SND1: variants seen among roughly 807,000 people sequenced by gnomAD.
SND1 encodes the protein staphylococcal nuclease domain-containing protein 1.
A neutral mutation model predicts 121.7 loss-of-function variants in SND1; 38 were observed. The ratio of observed to expected loss-of-function variants is 0.31; its 90% confidence interval spans 0.24 to 0.41. The LOEUF (loss-of-function observed/expected upper bound fraction) is 0.41. SND1 is among the 10% of genes least tolerant of loss of function. The pLI is 1.00. For missense variants in SND1, 868 were observed against 1,184.6 expected (o/e 0.73, Z 3.92); for synonymous variants, 401 against 447.4 (o/e 0.90, Z 1.31).
At chr7:127,725,386 A>G (rs987766526) in intron 10 of SND1, among the ~76,000 whole-genome samples, 1 of 152,216 alleles carries the variant, frequency 6.6e-6, no homozygotes, top group African/African-American at 2.4e-5. Flanking sequence ...CTTGGCAAGC[A>G]GAATGGAAGC....
At chr7:127,706,144 A>G (rs2116350058) in intron 8 of SND1, among the ~76,000 whole-genome samples, 1 of 152,128 alleles carries the variant, frequency 6.6e-6, no homozygotes, top group Middle Eastern at 3.4e-3. Context: ...ACTTCCGATT[A>G]TTCTACAATG....
chr7:127,727,314 G>A (rs558498049), intron 10 of SND1, among the ~76,000 whole-genome samples: 1 of 152,284 alleles, frequency 6.6e-6, no homozygotes, highest in African/African-American at 2.4e-5. Context: ...GATTCTTAAG[G>A]GCTTTTTGTC....
Position 128,064,749 on chromosome 7 carries a change from C to T in SND1, c.1780-9753C>T, listed in dbSNP as rs2117038385. Among the ~76,000 whole-genome samples, 7 of 152,026 alleles carry T rather than the reference C, an allele frequency of 4.6e-5. 1 individual carries two copies. In the South Asian group the frequency reaches 1.5e-3, roughly 32 times the overall value. The stretch of plus-strand genomic sequence containing the variant: ...CCTGGGGAACGTTCATATTCAAGGG[C>T]CATGTTGTTGGGGAAGAATTCACAA... On this transcript the variant is annotated intron_variant, in intron 16 of 23. Transcript: ENST00000354725.
chr7:127,910,361 C>T (rs1294499205), intron 14 of SND1, among the ~76,000 whole-genome samples: 1 of 152,040 alleles, frequency 6.6e-6, no homozygotes, highest in Non-Finnish European at 1.5e-5. Context: ...GGGAGAATTG[C>T]TTGAACCTGG....
chr7:128,012,643 T>C (rs1209803555), intron 16 of SND1, among the ~76,000 whole-genome samples: 1 of 152,146 alleles, frequency 6.6e-6, no homozygotes, highest in Non-Finnish European at 1.5e-5. Context: ...ACTATTTTGC[T>C]CTGGCTGGTC....
chr7:127,809,966 C>T, intron 11 of SND1, among the ~76,000 whole-genome samples: 2 of 152,156 alleles, frequency 1.3e-5, no homozygotes, highest in East Asian at 3.9e-4. Flanking sequence ...TGCTTTCCTT[C>T]TCTCATGAAG....
chr7:128,058,868 C>T (rs1793185351), intron 16 of SND1, among the ~76,000 whole-genome samples: 2 of 152,046 alleles, frequency 1.3e-5, no homozygotes, highest in Admixed American at 6.5e-5. Context: ...GCCCCTGATT[C>T]CTCCATCCCC....
intron 14 of SND1, among the ~76,000 whole-genome samples, chr7:127,917,120 C>T (rs1800597321): frequency 2.0e-5 from 3 of 152,198 alleles, no homozygotes. Context: ...TGTGGTACAT[C>T]ATTTTCCACT....
At chr7:128,079,577 G>T (rs978035622) in intron 17 of SND1, among the ~76,000 whole-genome samples, 1 of 152,228 alleles carries the variant, frequency 6.6e-6, no homozygotes, top group Non-Finnish European at 1.5e-5. Flanking sequence ...GTAGGATGGT[G>T]GAAAGCTTGG....
intron 15 of SND1, among the ~76,000 whole-genome samples, chr7:127,971,950 T>G (rs1332067412): frequency 6.6e-6 from 1 of 151,838 alleles, no homozygotes; most frequent in Admixed American, 6.6e-5. Context: ...CTTTTTTGTT[T>G]TTTTAGTAGA....
chr7:127,704,553 A>G (rs935673279), intron 7 of SND1, among the ~76,000 whole-genome samples: 2 of 152,208 alleles, frequency 1.3e-5, no homozygotes, highest in Non-Finnish European at 2.9e-5. Context: ...TGAAATGTCA[A>G]TTCCATTCAG....
intron 17 of SND1, among the ~76,000 whole-genome samples, chr7:128,079,164 G>C (rs915043146): frequency 5.3e-5 from 8 of 152,248 alleles, no homozygotes; most frequent in African/African-American, 1.9e-4. Flanking sequence ...AGATACCAGG[G>C]AACTTCCAGC....
chr7:128,049,124 A>G (rs1447643794), intron 16 of SND1, among the ~76,000 whole-genome samples: 1 of 152,042 alleles, frequency 6.6e-6, no homozygotes, highest in African/African-American at 2.4e-5. Flanking sequence ...CTAACCCCTC[A>G]TGCTACCCTT....
At chr7:128,067,687 C>T (rs1360252627) in intron 16 of SND1, among the ~76,000 whole-genome samples, 1 of 152,164 alleles carries the variant, frequency 6.6e-6, no homozygotes, top group Non-Finnish European at 1.5e-5. Flanking sequence ...GGCTGAGGCT[C>T]AGTAATTTTC....
intron 20 of SND1, among the ~76,000 whole-genome samples, chr7:128,086,120 A>G (rs888602932): frequency 1.3e-5 from 2 of 152,212 alleles, no homozygotes; most frequent in African/African-American, 4.8e-5. Flanking sequence ...CTGGTGTTCA[A>G]GCCAAACTGG....
chr7:127,667,897 G>C (rs1795447798), intron 1 of SND1, among the ~76,000 whole-genome samples: 2 of 152,056 alleles, frequency 1.3e-5, no homozygotes, highest in Admixed American at 1.3e-4. Flanking sequence ...TTGAGTGGCT[G>C]CATTGTTTTC....
At chr7:127,906,474 G>A (rs76318212) in intron 14 of SND1, among the ~76,000 whole-genome samples, 4,171 of 152,190 alleles carry the variant, frequency 0.027, 91 homozygotes, top group Non-Finnish European at 0.04. Context: ...AGCTGTTATA[G>A]TAATAAAAGG....
chr7:127,727,334 G>T (rs576941432), intron 10 of SND1, among the ~76,000 whole-genome samples: 2 of 152,280 alleles, frequency 1.3e-5, no homozygotes, highest in East Asian at 3.9e-4. Context: ...CAGAGGCAGG[G>T]TTATGTAAGG....
intron 16 of SND1, among the ~76,000 whole-genome samples, chr7:128,023,965 CTT>C (rs1003297209): frequency 1.3e-5 from 2 of 151,886 alleles, no homozygotes; most frequent in Non-Finnish European, 2.9e-5. Flanking sequence ...GAAACTGAGT[CTT>C]TTTCCAAAGT....
Sources: allele counts gnomAD v4.1 joint callset (sites outside exome capture counted in the v4.1 genomes callset), GRCh38; gene constraint gnomAD v4.1.1; transcripts MANE v1.5; gene names NCBI Gene and HGNC (gene_info 2026-07-23, HGNC 2026-07-21).